GRID2: variants seen among roughly 807,000 people sequenced by gnomAD.
The protein encoded by GRID2 is glutamate receptor ionotropic, delta-2.
A neutral mutation model predicts 114.8 loss-of-function variants in GRID2; 33 were observed. The ratio of observed to expected loss-of-function variants is 0.29; its 90% confidence interval spans 0.22 to 0.38. The LOEUF (loss-of-function observed/expected upper bound fraction) is 0.38, where lower values mean the gene tolerates loss of function less well. Ranked by LOEUF, GRID2 falls within the 10% of genes least tolerant of loss-of-function variation. GRID2 has a pLI of 1.00. For synonymous variants in GRID2, 505 were observed against 449.9 expected (o/e 1.12, Z -1.55); for missense variants, 1,184 against 1,257.7 (o/e 0.94, Z 0.89).
intron 2 of GRID2, among the ~76,000 whole-genome samples, chr4:92,751,582 T>C (rs1319824693): frequency 6.6e-6 from 1 of 152,214 alleles, no homozygotes; most frequent in African/African-American, 2.4e-5. Flanking sequence ...GAGCTTTCTT[T>C]TCAATGTTGT....
chr4:93,708,768 T>G (rs555882365), intron 14 of GRID2, among the ~76,000 whole-genome samples: 259 of 152,028 alleles, frequency 1.7e-3, no homozygotes, highest in Non-Finnish European at 3.2e-3. Flanking sequence ...TTTCTTTCCT[T>G]CTTCCTTCCT....
chr4:93,120,236 C>G (rs1448620829), intron 4 of GRID2, among the ~76,000 whole-genome samples: 1 of 152,134 alleles, frequency 6.6e-6, no homozygotes, highest in Non-Finnish European at 1.5e-5. Flanking sequence ...CCAGCAATCC[C>G]ATTATTGAGT....
chr4:92,497,142 T>TA (rs1292786910), intron 1 of GRID2, among the ~76,000 whole-genome samples: 2 of 151,244 alleles, frequency 1.3e-5, no homozygotes, highest in South Asian at 2.1e-4. Flanking sequence ...TTCCTCTGGT[T>TA]AAAAAAAAAT....
At chr4:93,134,046 C>A (rs936339306) in intron 4 of GRID2, among the ~76,000 whole-genome samples, 2 of 152,048 alleles carry the variant, frequency 1.3e-5, no homozygotes, top group Non-Finnish European at 2.9e-5. Context: ...GCATTAGCCT[C>A]CTAACTCATC....
intron 2 of GRID2, among the ~76,000 whole-genome samples, chr4:92,994,032 C>A (rs1755058302): frequency 6.6e-6 from 1 of 152,050 alleles, no homozygotes; most frequent in Admixed American, 6.6e-5. Flanking sequence ...CATCTTTTAT[C>A]CAGTGTCTGA....
At chr4:93,085,346 C>A in intron 3 of GRID2, 67 bp downstream of exon 3, 1 of 1,261,414 alleles carries the variant, frequency 7.9e-7, no homozygotes, top group South Asian at 1.3e-5. Flanking sequence ...TTCATTAAAT[C>A]TTAAAAGTTT....
chr4:93,322,764 T>A (rs1757374796), intron 8 of GRID2, among the ~76,000 whole-genome samples: 1 of 152,194 alleles, frequency 6.6e-6, no homozygotes, highest in Non-Finnish European at 1.5e-5. Context: ...GGTATCTCAT[T>A]GTGGTTTTGA....
At chr4:93,020,757 G>T (rs1723198726) in intron 2 of GRID2, among the ~76,000 whole-genome samples, 1 of 152,122 alleles carries the variant, frequency 6.6e-6, no homozygotes, top group African/African-American at 2.4e-5. Context: ...TATGGGCTGG[G>T]TGCGGTGGCA....
chr4:92,780,801 A>T (rs1390611955), intron 2 of GRID2, among the ~76,000 whole-genome samples: 1 of 151,452 alleles, frequency 6.6e-6, no homozygotes, highest in Non-Finnish European at 1.5e-5. Flanking sequence ...AGCTAAAGGG[A>T]TTAAAACTTG....
intron 2 of GRID2, among the ~76,000 whole-genome samples, chr4:93,023,702 G>A (rs531546301): frequency 7.2e-5 from 11 of 151,806 alleles, no homozygotes; most frequent in Non-Finnish European, 7.4e-5. Flanking sequence ...TTAAACTGAA[G>A]CTACTTTTAC....
intron 2 of GRID2, among the ~76,000 whole-genome samples, chr4:93,023,322 G>T (rs1490265072): frequency 6.6e-6 from 1 of 151,754 alleles, no homozygotes; most frequent in African/African-American, 2.4e-5. Flanking sequence ...AATCTGTAGT[G>T]AAATATTTCA....
intron 2 of GRID2, among the ~76,000 whole-genome samples, chr4:92,625,665 A>C (rs1339481055): frequency 6.6e-6 from 1 of 151,868 alleles, no homozygotes; most frequent in East Asian, 1.9e-4. Flanking sequence ...AAATAACAAT[A>C]TTAGTTACCT....
intron 2 of GRID2, among the ~76,000 whole-genome samples, chr4:93,022,600 T>C (rs1436248349): frequency 2.0e-5 from 3 of 152,012 alleles, no homozygotes; most frequent in African/African-American, 7.2e-5. Context: ...TGCTGAATTA[T>C]CCTCTAAAAC....
At chr4:92,648,294 G>T (rs546462564) in intron 2 of GRID2, among the ~76,000 whole-genome samples, 47 of 149,512 alleles carry the variant, frequency 3.1e-4, no homozygotes, top group Non-Finnish European at 5.9e-4. Flanking sequence ...GCATACGGGT[G>T]CATCCCCAAA....
At chr4:92,626,122 A>G (rs750703195) in intron 2 of GRID2, among the ~76,000 whole-genome samples, 4 of 151,936 alleles carry the variant, frequency 2.6e-5, no homozygotes, top group Non-Finnish European at 5.9e-5. Flanking sequence ...TAACTCAATC[A>G]CTCATTTAAG....
In GRID2 at chr4:93,806,511, G is replaced by A. The variant is rs568831594; in HGVS notation, c.222-204G>A. Among the ~76,000 whole-genome samples the A allele has an allele frequency of 3.3e-5, 5 of 152,334 alleles. No homozygotes were observed. In the South Asian group the frequency reaches 8.3e-4, roughly 25 times the overall value. On this transcript the variant is annotated intron_variant, in intron 1 of 1. Transcript: ENST00000637838. ...TTGAACCAGCAGCCAATATGCTCTGGTTTTTGACAGTTGCCTGGAGTCTAG... is the reference window on the plus strand; with the variant it reads ...TTGAACCAGCAGCCAATATGCTCTGATTTTTGACAGTTGCCTGGAGTCTAG...
At chr4:93,531,337 G>A (rs1191508570) in intron 13 of GRID2, among the ~76,000 whole-genome samples, 1 of 152,062 alleles carries the variant, frequency 6.6e-6, no homozygotes, top group Non-Finnish European at 1.5e-5. Context: ...GGCAAACCTA[G>A]TCTTTATTTG....
chr4:93,648,374 A>C lies in GRID2; in HGVS notation c.2360+21939A>C, dbSNP rs572472522. On this transcript the variant is annotated intron_variant, in intron 14 of 15. Coordinates refer to ENST00000282020, the MANE Select transcript of GRID2 (RefSeq NM_001510.4). Reference sequence around the variant, plus strand: ...CAGAGAAAAAGGAACAAAGCCCCTAAGGACTGATATTAAAGGAAAAAGAGG... The same window carrying C: ...CAGAGAAAAAGGAACAAAGCCCCTACGGACTGATATTAAAGGAAAAAGAGG... Among the ~76,000 whole-genome samples, 4 of 152,296 alleles carry C rather than the reference A, an allele frequency of 2.6e-5. No individual in the cohort carries two copies. In the East Asian group the frequency reaches 7.7e-4, roughly 29 times the overall value.
At chr4:93,575,682 T>C (rs1222067245) in intron 13 of GRID2, among the ~76,000 whole-genome samples, 1 of 152,144 alleles carries the variant, frequency 6.6e-6, no homozygotes, top group Non-Finnish European at 1.5e-5. Flanking sequence ...TTTTAAATGT[T>C]AGTGTTATAT....
Sources: allele counts gnomAD v4.1 joint callset (sites outside exome capture counted in the v4.1 genomes callset), GRCh38; gene constraint gnomAD v4.1.1; transcripts MANE v1.5; gene names NCBI Gene and HGNC (gene_info 2026-07-23, HGNC 2026-07-21).